Variants in ANXA8 observed in about 807,000 individuals in gnomAD.
ANXA8 encodes annexin A8, also known as VAC-beta.
ANXA8 carries 9 observed loss-of-function variants against 26.8 expected under a neutral mutation model. That is an observed-to-expected ratio of 0.34 (90% CI 0.20 to 0.59). ANXA8 has a LOEUF of 0.59. Among genes scored for constraint, ANXA8 ranks in the 20% least tolerant of loss-of-function variants. The pLI is 0.84. For missense variants in ANXA8, 83 were observed against 238.5 expected (o/e 0.35, Z 4.29); for synonymous variants, 39 against 94.8 (o/e 0.41, Z 3.42).
chr10:47,709,384 C>T, the ANXA8 span, among the ~76,000 whole-genome samples: 1 of 150,754 alleles, frequency 6.6e-6, no homozygotes, highest in Non-Finnish European at 1.5e-5. Context: ...CAATCAATCA[C>T]GTACTCAAGC....
the ANXA8 span, among the ~76,000 whole-genome samples, chr10:47,954,627 C>T: frequency 0.018 from 2,673 of 150,512 alleles, 45 homozygotes; most frequent in African/African-American, 0.06. Context: ...GTGATTATTA[C>T]GCATTGCATG....
the ANXA8 span, among the ~76,000 whole-genome samples, chr10:47,894,678 C>G: frequency 1.3e-5 from 2 of 152,178 alleles, no homozygotes; most frequent in Admixed American, 1.3e-4. Flanking sequence ...ACACACCACA[C>G]ACATCACATA....
chr10:47,484,939 C>T (rs1173652380), upstream of ANXA8, among the ~76,000 whole-genome samples: 1 of 148,732 alleles, frequency 6.7e-6, no homozygotes, highest in South Asian at 2.2e-4. Flanking sequence ...CGGGAGCCAG[C>T]CCATTTCACC....
chr10:47,988,017 AATC>A, the ANXA8 span, among the ~76,000 whole-genome samples: 1 of 47,244 alleles, frequency 2.1e-5, no homozygotes, highest in African/African-American at 1.0e-4. Context: ...TGTCTCTGGA[AATC>A]GTTTGAGCTT....
upstream of ANXA8, among the ~76,000 whole-genome samples, chr10:47,486,048 C>G (rs1343391266): frequency 1.4e-4 from 21 of 151,392 alleles, no homozygotes; most frequent in Non-Finnish European, 2.5e-4. Context: ...GCAGAGGTTA[C>G]AGTGAGCCAA....
chr10:47,521,625 T>C, the ANXA8 span, among the ~76,000 whole-genome samples: 1 of 145,606 alleles, frequency 6.9e-6, no homozygotes, highest in Non-Finnish European at 1.5e-5. Flanking sequence ...AAAATTTCAG[T>C]TTTTATTCAA....
chr10:47,625,867 C>G, the ANXA8 span, among the ~76,000 whole-genome samples: 1 of 150,870 alleles, frequency 6.6e-6, no homozygotes, highest in Non-Finnish European at 1.5e-5. Flanking sequence ...TGACCGACAT[C>G]TCTGCAATTT....
the ANXA8 span, among the ~76,000 whole-genome samples, chr10:47,718,285 A>G: frequency 2.1e-5 from 3 of 145,892 alleles, no homozygotes; most frequent in African/African-American, 5.1e-5. Flanking sequence ...AGCCTGGTCA[A>G]CATGGCAAAT....
chr10:47,664,239 G>A, the ANXA8 span, among the ~76,000 whole-genome samples: 227 of 152,066 alleles, frequency 1.5e-3, 4 homozygotes, highest in Non-Finnish European at 2.8e-3. Context: ...TGAGCCGGGC[G>A]TGGTGGCGGG....
At chr10:47,508,319 GC>G in the ANXA8 span, among the ~76,000 whole-genome samples, 2 of 57,634 alleles carry the variant, frequency 3.5e-5, no homozygotes. Flanking sequence ...TTTTTAAAAA[GC>G]CTGTAACATT....
At chr10:47,519,186 G>T in the ANXA8 span, among the ~76,000 whole-genome samples, 4 of 135,654 alleles carry the variant, frequency 2.9e-5, 1 homozygote, top group African/African-American at 1.2e-4. Flanking sequence ...CTGTGGTACT[G>T]GCCAGGTGCG....
the ANXA8 span, among the ~76,000 whole-genome samples, chr10:47,585,440 G>T: frequency 1.5e-5 from 2 of 131,450 alleles, no homozygotes; most frequent in African/African-American, 6.0e-5. Flanking sequence ...TAGTCAGCAG[G>T]TGGGACAGTT....
At chr10:47,567,605 T>G in the ANXA8 span, among the ~76,000 whole-genome samples, 1 of 151,888 alleles carries the variant, frequency 6.6e-6, no homozygotes, top group Non-Finnish European at 1.5e-5. Flanking sequence ...AAAAGTCCTG[T>G]TCCCGTTCCC....
chr10:47,483,125 GAAAGCT>G (rs1839894701), intron 1 of ANXA8, among the ~76,000 whole-genome samples: 2 of 151,676 alleles, frequency 1.3e-5, no homozygotes, highest in South Asian at 2.1e-4. Context: ...ACCATAGATG[GAAAGCT>G]CCCGAGAACC....
chr10:47,658,847 A>ATTATTTATTTATTAT, the ANXA8 span, among the ~76,000 whole-genome samples: 1 of 133,672 alleles, frequency 7.5e-6, no homozygotes, highest in Non-Finnish European at 1.5e-5. Context: ...TTATTTATTT[A>ATTATTTATTTATTAT]TTATTTATTT....
At chr10:47,743,341 C>CATATATATAT in the ANXA8 span, among the ~76,000 whole-genome samples, 1 of 53,738 alleles carries the variant, frequency 1.9e-5, no homozygotes, top group African/African-American at 5.5e-5. Flanking sequence ...TATATATATA[C>CATATATATAT]ATATATATAT....
At chr10:47,901,703 A>T in the ANXA8 span, among the ~76,000 whole-genome samples, 2 of 122,724 alleles carry the variant, frequency 1.6e-5, 1 homozygote, top group Non-Finnish European at 3.5e-5. Flanking sequence ...TTCTTAAATA[A>T]CTAGTCGTTT....
chr10:47,947,347 T>C, the ANXA8 span, among the ~76,000 whole-genome samples: 1 of 140,350 alleles, frequency 7.1e-6, no homozygotes, highest in South Asian at 2.4e-4. Context: ...AGAACCTCCC[T>C]GGAAGGGAAT....
At chr10:47,744,439 A>AGGGGGGGGGGGGGGGG in the ANXA8 span, among the ~76,000 whole-genome samples, 1 of 23,786 alleles carries the variant, frequency 4.2e-5, no homozygotes. Context: ...GGAGGGGGGA[A>AGGGGGGGGGGGGGGGG]GAGGGGGGGC....
Sources: allele counts gnomAD v4.1 joint callset (sites outside exome capture counted in the v4.1 genomes callset), GRCh38; gene constraint gnomAD v4.1.1; transcripts MANE v1.5; gene names NCBI Gene and HGNC (gene_info 2026-07-23, HGNC 2026-07-21).